Variants in GDAP2 observed in about 807,000 individuals in gnomAD.
GDAP2 encodes ganglioside induced differentiation associated protein 2.
GDAP2 carries 51 observed loss-of-function variants against 67.0 expected under a neutral mutation model. That is an observed-to-expected ratio of 0.76 (90% CI 0.61 to 0.96). The LOEUF is 0.96. GDAP2 is among the 40% of genes least tolerant of loss of function. The probability of loss-of-function intolerance (pLI) is 0.00; values close to 1 mark genes in which losing one functional copy is unlikely to be tolerated. For synonymous variants in GDAP2, 203 were observed against 207.3 expected (o/e 0.98, Z 0.18); for missense variants, 547 against 588.3 (o/e 0.93, Z 0.73).
rs888668404 is a variant in GDAP2 at position 117,867,951 on chromosome 1, T to C, written c.*2618A>G. 1.2e-4 allele frequency: 19 copies of C among 152,180 alleles called. No individual in the cohort carries two copies. The highest frequency in any genetic ancestry group is 1.1e-3 in the Admixed American group (17 of 15,282). The allele number at this position is 152,180 out of a possible 1,614,324, so 9.4% of individuals were successfully genotyped here. ...TATTATGCCTTGCATGATTAATAAA[T>C]TAATATTTTATAACTTGTGTCTTCA... On this transcript the variant is annotated 3_prime_UTR_variant, in exon 14 of 14. Transcript: ENST00000369443.
chr1:117,912,563 T>G lies in GDAP2; in HGVS notation c.437A>C (p.Tyr146Ser). 1.2e-6 allele frequency: 2 copies of G among 1,613,556 alleles called. No homozygotes were observed. Among genetic ancestry groups the G allele is most frequent in the South Asian group, 2.2e-5 (2 of 91,060 alleles). ...RYRTAAESSL[Y>S]SCYRNVLQLA... ...TTGAAGTACGTTTCTGTAGCAGCTA[T>G]AAAGGGAACTCTCAGCTGCTGTGCG... Residue 146 changes from tyrosine (Y) to serine (S), a missense_variant, in exon 4 of 14, where the codon TAT (tyrosine) becomes TCT (serine). Tyr to Ser is a moderately radical substitution (Grantham distance 144). Transcript: ENST00000369443.
rs1407713161 is a variant in GDAP2, at chr1:117,869,281, A to G, written c.*1288T>C. ...AAGAAATGTTTAAAATGGCCAACAG[A>G]TGCCTCTTATTGAAGTATAGCATCA... On this transcript the variant is annotated 3_prime_UTR_variant, in exon 14 of 14. Transcript: ENST00000369443. The G allele has an allele frequency of 1.3e-5, 2 of 152,196 alleles. No homozygotes were observed. 9.4% of individuals were successfully genotyped at this position (152,196 alleles called of 1,614,324 possible). A position where few individuals can be genotyped will look rare whatever the true frequency, so the allele number is the denominator to read the frequency against.
chr1:117,892,456 A>C (rs1362336964), intron 8 of GDAP2, among the ~76,000 whole-genome samples: 1 of 152,180 alleles, frequency 6.6e-6, no homozygotes, highest in Non-Finnish European at 1.5e-5. Context: ...AGCTAAAAGG[A>C]AAATATGAAC....
At chr1:117,885,194 T>C (rs1012310793) in intron 10 of GDAP2, among the ~76,000 whole-genome samples, 1 of 152,044 alleles carries the variant, frequency 6.6e-6, no homozygotes, top group African/African-American at 2.4e-5. Flanking sequence ...TATTCTTTTT[T>C]ATCCTCTTAC....
rs1229063717 is a variant in GDAP2 at position 117,896,877 on chromosome 1, C to G, written c.909G>C (p.Gln303His). The G allele has an allele frequency of 6.2e-7, 1 of 1,613,380 alleles. No individual in the cohort carries two copies. Among genetic ancestry groups the G allele is most frequent in the East Asian group, 2.2e-5 (1 of 44,846 alleles). ...GCAGAGCTGCCTCTGATAATTGTCC[C>G]TGAAGGATCAGTTTTCTTTGCTTGT... is the stretch of plus-strand genomic sequence containing the variant. ...DIDKQRKLIL[Q>H]GQLSEAALQK... Residue 303 changes from glutamine to histidine, a missense_variant, in exon 8 of 14, where the codon CAG becomes CAC. Physicochemically the swap from Gln to His is conservative, Grantham distance 24 (BLOSUM62 0). Coordinates refer to ENST00000369443, the MANE Select transcript of GDAP2 (RefSeq NM_017686.4).
Position 117,870,392 on chromosome 1 carries a change from C to A in GDAP2, c.*177G>T. The A allele has an allele frequency of 1.7e-6, 1 of 591,808 alleles. No individual in the cohort carries two copies. The highest frequency in any genetic ancestry group is 3.0e-6 in the Non-Finnish European group (1 of 331,288). 36.7% of individuals were successfully genotyped at this position (591,808 alleles called of 1,614,324 possible). A position where few individuals can be genotyped will look rare whatever the true frequency, so the allele number is the denominator to read the frequency against. ...TAAAATGTGTGCAGTTCAGAATGGCCTACCATTTTTAGATTGCTTATGTGC... is the reference window on the plus strand; with the variant it reads ...TAAAATGTGTGCAGTTCAGAATGGCATACCATTTTTAGATTGCTTATGTGC... On this transcript the variant is annotated 3_prime_UTR_variant, in exon 14 of 14. Transcript: ENST00000369443.
At chr1:117,898,165 C>T (rs772162197) in intron 7 of GDAP2, among the ~76,000 whole-genome samples, 5 of 152,192 alleles carry the variant, frequency 3.3e-5, no homozygotes, top group Non-Finnish European at 7.3e-5. Context: ...CTCATTATCA[C>T]ACTAAATGCA....
intron 8 of GDAP2, among the ~76,000 whole-genome samples, chr1:117,888,664 G>C (rs570518644): frequency 6.6e-6 from 1 of 152,124 alleles, no homozygotes; most frequent in African/African-American, 2.4e-5. Context: ...TGTAGGAAAA[G>C]CAACTCTGAA....
At chr1:117,879,040 T>C (rs1178849851) in intron 12 of GDAP2, among the ~76,000 whole-genome samples, 1 of 152,198 alleles carries the variant, frequency 6.6e-6, no homozygotes, top group Non-Finnish European at 1.5e-5. Flanking sequence ...CAGAAAATCG[T>C]TCACAAGGCA....
At chr1:117,918,253 C>T (rs1206052871) in intron 3 of GDAP2, among the ~76,000 whole-genome samples, 3 of 152,092 alleles carry the variant, frequency 2.0e-5, no homozygotes, top group Admixed American at 6.5e-5. Flanking sequence ...TTTCAGTTCA[C>T]GAGGAGAGTC....
Position 117,896,928 on chromosome 1 carries a change from A to G in GDAP2, c.858T>C (p.Ala286=), listed in dbSNP as rs1649285439. Residue 286 remains alanine (A), a synonymous_variant, in exon 8 of 14, where the codon GCT becomes GCC. Transcript: ENST00000369443. Reference sequence around the variant, plus strand: ...CAATATCTCCTTCCATTCGAGCAAAAGCATGAGAGCCAATGAAAGAGAGAT... The same window carrying G: ...CAATATCTCCTTCCATTCGAGCAAAGGCATGAGAGCCAATGAAAGAGAGAT... ...GVDLSFIGSH[A]FARMEGDIDK... 1 of 1,612,026 alleles carries G rather than the reference A, an allele frequency of 6.2e-7. No individual in the cohort carries two copies. Among genetic ancestry groups the G allele is most frequent in the Admixed American group, 1.7e-5 (1 of 59,972 alleles).
chr1:117,904,446 T>G (rs186215083), intron 6 of GDAP2, among the ~76,000 whole-genome samples: 50 of 152,352 alleles, frequency 3.3e-4, no homozygotes, highest in African/African-American at 1.1e-3. Flanking sequence ...AGTATTTACT[T>G]GATACAAAGA....
chr1:117,912,167 C>T (rs1322711257), intron 4 of GDAP2, 85 bp from the exon 5 acceptor site: 1 of 805,254 alleles, frequency 1.2e-6, no homozygotes, highest in East Asian at 2.6e-5. Flanking sequence ...CAAAATCTAG[C>T]TCAACTTCTC....
At position 117,883,580 on chromosome 1, in the gene GDAP2, C is replaced by G; in HGVS notation, c.1155G>C (p.Glu385Asp). 1 of 1,599,814 alleles carries G rather than the reference C, an allele frequency of 6.3e-7. No individual in the cohort carries two copies. The highest frequency in any genetic ancestry group is 8.6e-7 in the Non-Finnish European group (1 of 1,167,354). Reference sequence around the variant, plus strand: ...GGGTGTGAAAATACACTAATACATACTCCTTCACAGCAATGTGATCCATTA... The same window carrying G: ...GGGTGTGAAAATACACTAATACATAGTCCTTCACAGCAATGTGATCCATTA... ...IHVMDHIAVK[E>D]YVLVYFHTLT... Residue 385 changes from glutamate to aspartate, a missense_variant, in exon 11 of 14, where the codon GAG becomes GAC. Glu to Asp is a conservative substitution (Grantham distance 45). Coordinates refer to ENST00000369443, the MANE Select transcript of GDAP2 (RefSeq NM_017686.4).
rs748935518 is a variant in GDAP2 at position 117,899,052 on chromosome 1, C to A, written c.796+5G>T. On this transcript the variant is annotated splice_donor_5th_base_variant and intron_variant, in intron 7 of 13. Transcript: ENST00000369443. The stretch of plus-strand genomic sequence containing the variant: ...GATTTAAAAAGTTAGAGCTCTAGAA[C>A]TCACCTTCTGGAGCACCAGGTTTCT... 6.2e-7 allele frequency: 1 copy of A among 1,610,308 alleles called. No homozygotes were observed. Among genetic ancestry groups the A allele is most frequent in the South Asian group, 1.1e-5 (1 of 90,970 alleles).
rs950015257 is a variant in GDAP2 at position 117,899,044 on chromosome 1, C to T, written c.796+13G>A. 1 of 1,608,932 alleles carries T rather than the reference C, an allele frequency of 6.2e-7. No homozygotes were observed. ...AAGAGGGAGATTTAAAAAGTTAGAG[C>T]TCTAGAACTCACCTTCTGGAGCACC... On this transcript the variant is annotated intron_variant, in intron 7 of 13. Transcript: ENST00000369443.
At chr1:117,928,960 G>T (rs959639757) in intron 1 of GDAP2, among the ~76,000 whole-genome samples, 1 of 152,238 alleles carries the variant, frequency 6.6e-6, no homozygotes, top group East Asian at 1.9e-4. Flanking sequence ...CCCCTCAAGC[G>T]GCCAGAGAGC....
intron 7 of GDAP2, 46 bp downstream of exon 7, chr1:117,899,011 T>C: frequency 6.8e-7 from 1 of 1,467,228 alleles, no homozygotes; most frequent in East Asian, 2.3e-5. Flanking sequence ...GTGCCTATTT[T>C]TGGCCCTAAG....
At chr1:117,895,620 A>G (rs1487514078) in intron 8 of GDAP2, among the ~76,000 whole-genome samples, 1 of 152,180 alleles carries the variant, frequency 6.6e-6, no homozygotes, top group East Asian at 1.9e-4. Flanking sequence ...CCATCAGATG[A>G]GTCTTACACA....
Sources: allele counts gnomAD v4.1 joint callset (sites outside exome capture counted in the v4.1 genomes callset), GRCh38; gene constraint gnomAD v4.1.1; transcripts MANE v1.5; gene names NCBI Gene and HGNC (gene_info 2026-07-23, HGNC 2026-07-21).